The following A1CF variants were observed in gnomAD, a reference collection of about 807,000 sequenced individuals.
The protein encoded by A1CF is APOBEC-1 stimulating protein.
A1CF carries 48 observed loss-of-function variants against 68.9 expected under a neutral mutation model. That is an observed-to-expected ratio of 0.70 (90% CI 0.55 to 0.89). The LOEUF is 0.89. A1CF is among the 40% of genes least tolerant of loss of function. A1CF has a pLI of 0.00. For synonymous variants in A1CF, 272 were observed against 260.4 expected (o/e 1.04, Z -0.43); for missense variants, 653 against 718.9 (o/e 0.91, Z 1.05).
chr10:50,856,793 ATTAAC>A (rs1263465211), intron 3 of A1CF, among the ~76,000 whole-genome samples: 1 of 152,072 alleles, frequency 6.6e-6, no homozygotes, highest in East Asian at 1.9e-4. Context: ...TATTATTACA[ATTAAC>A]TTGTGGTCTA....
At chr10:50,845,326 C>G (rs7903843) in intron 3 of A1CF, among the ~76,000 whole-genome samples, 1 of 152,062 alleles carries the variant, frequency 6.6e-6, no homozygotes, top group African/African-American at 2.4e-5. Flanking sequence ...TATATCTCAA[C>G]CAAGAATTAC....
chr10:50,853,930 G>A (rs899177068), intron 3 of A1CF, among the ~76,000 whole-genome samples: 1 of 151,890 alleles, frequency 6.6e-6, no homozygotes, highest in African/African-American at 2.4e-5. Flanking sequence ...TAATTCTGGG[G>A]CTTATTTTCT....
intron 1 of A1CF, among the ~76,000 whole-genome samples, chr10:50,868,040 G>A (rs958030624): frequency 6.6e-6 from 1 of 152,172 alleles, no homozygotes; most frequent in African/African-American, 2.4e-5. Flanking sequence ...TGCTCCACGT[G>A]CATTTCAAAT....
At chr10:50,828,380 G>C in intron 6 of A1CF, 85 bp from the exon 7 acceptor site, 1 of 1,158,036 alleles carries the variant, frequency 8.6e-7, no homozygotes, top group South Asian at 2.2e-5. Context: ...CTTTTAAATT[G>C]ACCTGACCCT....
chr10:50,864,417 C>T (rs1183304761), intron 1 of A1CF, among the ~76,000 whole-genome samples: 3 of 152,136 alleles, frequency 2.0e-5, no homozygotes, highest in Non-Finnish European at 4.4e-5. Flanking sequence ...CTTCCCTTCT[C>T]CTTTATATCC....
At chr10:50,865,619 T>C (rs1251835889) in intron 1 of A1CF, among the ~76,000 whole-genome samples, 2 of 152,222 alleles carry the variant, frequency 1.3e-5, no homozygotes, top group Non-Finnish European at 2.9e-5. Context: ...GTCATTCACA[T>C]GCCCTGCCAC....
chr10:50,838,587 T>C (rs1478639985), intron 5 of A1CF, among the ~76,000 whole-genome samples: 2 of 152,296 alleles, frequency 1.3e-5, no homozygotes, highest in Admixed American at 1.3e-4. Context: ...GCCATCTCCT[T>C]TCAAAAGCTG....
At chr10:50,856,496 G>C (rs1025060902) in intron 3 of A1CF, among the ~76,000 whole-genome samples, 25 of 152,086 alleles carry the variant, frequency 1.6e-4, no homozygotes, top group African/African-American at 6.0e-4. Context: ...AGTGAATCAT[G>C]TTACAAAGTT....
intron 4 of A1CF, among the ~76,000 whole-genome samples, chr10:50,843,700 G>A (rs1839876794): frequency 6.6e-6 from 1 of 152,178 alleles, no homozygotes; most frequent in African/African-American, 2.4e-5. Context: ...TATTGTTGAT[G>A]GATAGTTTGT....
chr10:50,809,469 T>C (rs891439775), intron 12 of A1CF, among the ~76,000 whole-genome samples: 1 of 152,228 alleles, frequency 6.6e-6, no homozygotes. Context: ...GACTTTCTGA[T>C]GGAACCTAAC....
intron 5 of A1CF, among the ~76,000 whole-genome samples, chr10:50,838,053 C>G (rs907021130): frequency 6.6e-6 from 1 of 152,124 alleles, no homozygotes; most frequent in Non-Finnish European, 1.5e-5. Context: ...ACATATTAGG[C>G]TATATGACTT....
intron 3 of A1CF, among the ~76,000 whole-genome samples, chr10:50,854,222 A>T (rs1182598724): frequency 6.6e-6 from 1 of 152,024 alleles, no homozygotes; most frequent in African/African-American, 2.4e-5. Flanking sequence ...CTTAGAGATT[A>T]TACTTTGTTA....
intron 1 of A1CF, among the ~76,000 whole-genome samples, chr10:50,875,683 C>G (rs920050987): frequency 6.6e-6 from 1 of 152,182 alleles, no homozygotes; most frequent in Non-Finnish European, 1.5e-5. Flanking sequence ...CCTCTCTACA[C>G]TCCTAGCTCT....
chr10:50,832,056 A>G (rs908711566), intron 6 of A1CF, among the ~76,000 whole-genome samples: 1 of 152,204 alleles, frequency 6.6e-6, no homozygotes, highest in African/African-American at 2.4e-5. Context: ...CGCAATCACC[A>G]TACTGGGTAT....
At chr10:50,884,870 G>C (rs1482151592) in intron 1 of A1CF, among the ~76,000 whole-genome samples, 1 of 151,956 alleles carries the variant, frequency 6.6e-6, no homozygotes, top group Admixed American at 6.6e-5. Context: ...AATGTTTTTG[G>C]AGTACACAAA....
At chr10:50,879,441 T>G (rs896095276) in intron 1 of A1CF, among the ~76,000 whole-genome samples, 1 of 152,178 alleles carries the variant, frequency 6.6e-6, no homozygotes, top group African/African-American at 2.4e-5. Flanking sequence ...TATTAGTCTG[T>G]TCTCATACTG....
intron 5 of A1CF, among the ~76,000 whole-genome samples, chr10:50,840,851 A>G (rs768133141): frequency 2.6e-5 from 4 of 152,160 alleles, no homozygotes; most frequent in Non-Finnish European, 4.4e-5. Context: ...TTCCATTGCA[A>G]TGGCACTAAC....
chr10:50,816,288 G>A lies in A1CF; in HGVS notation c.868-9C>T. 1 of 1,612,222 alleles carries A rather than the reference G, an allele frequency of 6.2e-7. No homozygotes were observed. Among genetic ancestry groups the A allele is most frequent in the East Asian group, 2.2e-5 (1 of 44,812 alleles). On this transcript the variant is annotated splice_polypyrimidine_tract_variant and intron_variant, in intron 8 of 12. Transcript: ENST00000373997. ...GGGGAACCATCCAGCACCTGTTGTA[G>A]AGAGCAAAGAAATATCAACGCGAGA...
intron 1 of A1CF, among the ~76,000 whole-genome samples, chr10:50,876,300 T>C (rs1399657873): frequency 1.3e-5 from 2 of 152,246 alleles, no homozygotes; most frequent in African/African-American, 4.8e-5. Context: ...TTTCCTTTTG[T>C]AATTGCTCTG....
Sources: gnomAD v4.1 joint callset for allele counts (sites outside exome capture counted in the v4.1 genomes callset) on GRCh38, gnomAD v4.1.1 for gene constraint, MANE v1.5 for transcripts, NCBI Gene and HGNC (gene_info 2026-07-23, HGNC 2026-07-21) for gene names.